The following FAM200A variants were observed in gnomAD, a reference collection of about 807,000 sequenced individuals.
The protein encoded by FAM200A is protein FAM200A.
Under a neutral mutation model 44.2 loss-of-function variants are expected in FAM200A, and 26 were observed. The ratio of observed to expected loss-of-function variants is 0.59; its 90% CI spans 0.43 to 0.82. The LOEUF (loss-of-function observed/expected upper bound fraction) is 0.82. Among genes scored for constraint, FAM200A ranks in the 40% least tolerant of loss-of-function variants. The pLI is 0.00. For missense variants in FAM200A, 606 were observed against 669.5 expected (o/e 0.91, Z 1.05); for synonymous variants, 206 against 244.4 (o/e 0.84, Z 1.47).
chr7:99,552,107 A>G lies in FAM200A; in HGVS notation c.-353T>C. 1.0e-6 allele frequency: 1 copy of G among 985,478 alleles called. No individual in the cohort carries two copies. Among genetic ancestry groups the G allele is most frequent in the Non-Finnish European group, 1.2e-6 (1 of 829,946 alleles). 61.0% of individuals were successfully genotyped at this position (985,478 alleles called of 1,614,324 possible). On this transcript the variant is annotated 5_prime_UTR_variant, in exon 1 of 2. Coordinates refer to ENST00000449309, the MANE Select transcript of FAM200A (RefSeq NM_145111.4). ...CCCCTGGCCTTCAGAGCCCAGGGAA[A>G]GCGTCACAAAAGCCGGAAGTGCGTC...
At position 99,551,899 on chromosome 7, in the gene FAM200A, C is replaced by T. The variant is rs1802541249; in HGVS notation, c.-145G>A. 2 of 985,434 alleles carry T rather than the reference C, an allele frequency of 2.0e-6. No homozygotes were observed. The highest frequency in any genetic ancestry group is 2.4e-6 in the Non-Finnish European group (2 of 830,038). 61.0% of individuals were successfully genotyped at this position (985,434 alleles called of 1,614,324 possible). A position where few individuals can be genotyped will look rare whatever the true frequency, so the allele number is the denominator to read the frequency against. ...GCTGGGGGACAGCGCTTGCCACCGC[C>T]GAGGCTGGCGCGAGGAACGGGGGCA... On this transcript the variant is annotated 5_prime_UTR_variant, in exon 1 of 2. Transcript: ENST00000449309.
chr7:99,555,488 A>T (rs967279161), upstream of FAM200A, among the ~76,000 whole-genome samples: 2 of 152,144 alleles, frequency 1.3e-5, no homozygotes, highest in Non-Finnish European at 2.9e-5. Flanking sequence ...GCACACTCTT[A>T]TTGGGGTTTG....
chr7:99,556,491 T>C (rs1008399737), upstream of FAM200A, among the ~76,000 whole-genome samples: 1 of 152,210 alleles, frequency 6.6e-6, no homozygotes, highest in Non-Finnish European at 1.5e-5. Flanking sequence ...ATTGTATGTA[T>C]CTAGATCTAT....
rs570047584 is a variant in FAM200A, at chr7:99,551,999, G to A, written c.-245C>T. ...GACACAGCCATGCACGTCCAACTCT[G>A]TCCCCGCCCGGAGAAGTCTGGGATG... is the stretch of plus-strand genomic sequence containing the variant. On this transcript the variant is annotated 5_prime_UTR_variant, in exon 1 of 2. Coordinates refer to ENST00000449309, the MANE Select transcript of FAM200A (RefSeq NM_145111.4). 1.0e-6 allele frequency: 1 copy of A among 985,588 alleles called. No individual in the cohort carries two copies. The highest frequency in any genetic ancestry group is 4.7e-5 in the South Asian group (1 of 21,290). The allele number at this position is 985,588 out of a possible 1,614,324, so 61.1% of individuals were successfully genotyped here. A position where few individuals can be genotyped will look rare whatever the true frequency, so the allele number is the denominator to read the frequency against.
In FAM200A at chr7:99,548,346, C is replaced by G; in HGVS notation, c.62G>C (p.Gly21Ala). Residue 21 changes from glycine (G) to alanine (A), a missense_variant, in exon 2 of 2, where the codon GGC becomes GCC. Coordinates refer to ENST00000449309, the MANE Select transcript of FAM200A (RefSeq NM_145111.4). ...CTCCTCCACCTTCACTATCACGATG[C>G]CTTCCATCTCCTGGGTACCCCCTGG... ...LSPGGTQEME[G>A]IVIVKVEEED... 1.2e-6 allele frequency: 2 copies of G among 1,614,144 alleles called. No individual in the cohort carries two copies. Among genetic ancestry groups the G allele is most frequent in the Non-Finnish European group, 1.7e-6 (2 of 1,180,028 alleles).
rs978355084 is a variant in FAM200A, at chr7:99,546,786, CTCT to C, written c.1619_1621del (p.Lys540del). On this transcript the variant is annotated inframe_deletion, in exon 2 of 2. Transcript: ENST00000449309. The stretch of plus-strand genomic sequence containing the variant: ...ATCTGGTGCACTATTGAGCCTATTT[CTCT>C]TCTTTGTTTTTAACCGTGTCAAGAT... 9.0e-6 allele frequency: 14 copies of C among 1,551,482 alleles called. No homozygotes were observed. Among genetic ancestry groups the C allele is most frequent in the African/African-American group, 1.4e-5 (1 of 73,046 alleles).
chr7:99,556,414 G>C (rs1300054353), upstream of FAM200A, among the ~76,000 whole-genome samples: 1 of 152,132 alleles, frequency 6.6e-6, no homozygotes, highest in Non-Finnish European at 1.5e-5. Flanking sequence ...GTTACAAACA[G>C]ATCCTCGGCC....
In FAM200A at chr7:99,546,347, C is replaced by A; in HGVS notation, c.*339G>T. ...ATTAACGTTTAACTACAACATACTG[C>A]AAAATCCCTTTAAAAGTACAAATAC... On this transcript the variant is annotated 3_prime_UTR_variant, in exon 2 of 2. Coordinates refer to ENST00000449309, the MANE Select transcript of FAM200A (RefSeq NM_145111.4). The A allele has an allele frequency of 5.1e-6, 1 of 197,982 alleles. No individual in the cohort carries two copies. The highest frequency in any genetic ancestry group is 1.0e-5 in the Non-Finnish European group (1 of 99,434). The allele number at this position is 197,982 out of a possible 1,614,324, so 12.3% of individuals were successfully genotyped here.
rs1470604446 is a variant in FAM200A at position 99,546,525 on chromosome 7, C to T, written c.*161G>A. ...CTGGGACTGCAGGCATGTGCCACCA[C>T]GCCTGGCTAAGGTTTCTATTTTTAG... On this transcript the variant is annotated 3_prime_UTR_variant, in exon 2 of 2. Transcript: ENST00000449309. 2.4e-5 allele frequency: 16 copies of T among 677,674 alleles called. No homozygotes were observed. The highest frequency in any genetic ancestry group is 4.3e-4 in the Middle Eastern group (1 of 2,322). The allele number at this position is 677,674 out of a possible 1,614,324, so 42.0% of individuals were successfully genotyped here. A position where few individuals can be genotyped will look rare whatever the true frequency, so the allele number is the denominator to read the frequency against.
At chr7:99,556,100 A>T (rs1802669791), upstream of FAM200A, among the ~76,000 whole-genome samples, 1 of 152,122 alleles carries the variant, frequency 6.6e-6, no homozygotes, top group African/African-American at 2.4e-5. Flanking sequence ...TGATGTCCCC[A>T]AACCACTGGG....
At chr7:99,553,896 A>G (rs918422767), upstream of FAM200A, among the ~76,000 whole-genome samples, 5 of 152,078 alleles carry the variant, frequency 3.3e-5, no homozygotes, top group African/African-American at 1.2e-4. Context: ...GTTCACTGTC[A>G]CACCTCCTTG....
At position 99,546,620 on chromosome 7, in the gene FAM200A, C is replaced by T; in HGVS notation, c.*66G>A. On this transcript the variant is annotated 3_prime_UTR_variant, in exon 2 of 2. Coordinates refer to ENST00000449309, the MANE Select transcript of FAM200A (RefSeq NM_145111.4). ...AAGTGATCTGCCCACCTCGGTCTCC[C>T]ACTGCTGGGATTACAGGCGTAAGCC... The T allele has an allele frequency of 2.8e-6, 4 of 1,429,400 alleles. No homozygotes were observed. Among genetic ancestry groups the T allele is most frequent in the Non-Finnish European group, 3.7e-6 (4 of 1,093,972 alleles). 88.5% of individuals were successfully genotyped at this position (1,429,400 alleles called of 1,614,324 possible). A position where few individuals can be genotyped will look rare whatever the true frequency, so the allele number is the denominator to read the frequency against.
At chr7:99,552,984 TACACACATATATATAC>T (rs1293887127), upstream of FAM200A, among the ~76,000 whole-genome samples, 17 of 141,712 alleles carry the variant, frequency 1.2e-4, no homozygotes, top group African/African-American at 1.7e-4. Context: ...TATATATATA[TACACACATATATATAC>T]ACACACATAT....
upstream of FAM200A, among the ~76,000 whole-genome samples, chr7:99,556,044 T>G (rs528334375): frequency 4.6e-5 from 7 of 152,322 alleles, no homozygotes; most frequent in East Asian, 3.9e-4. Context: ...CCAATTTTTT[T>G]GGGATTAGAG....
chr7:99,546,703 C>A lies in FAM200A; in HGVS notation c.1705G>T (p.Ala569Ser). Residue 569 changes from alanine (A) to serine (S), a missense_variant, in exon 2 of 2, where the codon GCA (alanine) becomes TCA (serine). Coordinates refer to ENST00000449309, the MANE Select transcript of FAM200A (RefSeq NM_145111.4). ...GTTTGTATTTAATGTGATGGGTGTG[C>A]TTGTCTGTTCATAAGTTCCTTCCAG... Reference protein sequence around the residue: ...PDWKELMNRQAHPSH With the variant: ...PDWKELMNRQSHPSH The A allele has an allele frequency of 1.3e-6, 2 of 1,528,634 alleles. No individual in the cohort carries two copies. Among genetic ancestry groups the A allele is most frequent in the Non-Finnish European group, 1.8e-6 (2 of 1,138,352 alleles). 94.7% of individuals were successfully genotyped at this position (1,528,634 alleles called of 1,614,324 possible).
rs1320014946 is a variant in FAM200A, at chr7:99,546,612, C to T, written c.*74G>A. 6.7e-5 allele frequency: 95 copies of T among 1,411,196 alleles called. No individual in the cohort carries two copies. In the East Asian group the frequency reaches 1.4e-3, roughly 21 times the overall value. 87.4% of individuals were successfully genotyped at this position (1,411,196 alleles called of 1,614,324 possible). A position where few individuals can be genotyped will look rare whatever the true frequency, so the allele number is the denominator to read the frequency against. ...TTGAACTCAAGTGATCTGCCCACCTCGGTCTCCCACTGCTGGGATTACAGG... is the reference window on the plus strand; with the variant it reads ...TTGAACTCAAGTGATCTGCCCACCTTGGTCTCCCACTGCTGGGATTACAGG... On this transcript the variant is annotated 3_prime_UTR_variant, in exon 2 of 2. Transcript: ENST00000449309.
At position 99,548,335 on chromosome 7, in the gene FAM200A, C is replaced by G. The variant is rs1423366471; in HGVS notation, c.73G>C (p.Val25Leu). 1.9e-6 allele frequency: 3 copies of G among 1,614,186 alleles called. No individual in the cohort carries two copies. The change falls in exon 2 of 2, where the codon GTG becomes CTG. Residue 25 changes from valine (V) to leucine (L), a missense_variant. Val to Leu is a conservative substitution (Grantham distance 32). Transcript: ENST00000449309. ...GTQEMEGIVI[V>L]KVEEEDEEDH... is the part of the protein sequence containing the mutation. ...TCTTCATCTTCCTCCTCCACCTTCA[C>G]TATCACGATGCCTTCCATCTCCTGG...
At position 99,551,268 on chromosome 7, in the gene FAM200A, T is replaced by C. The variant is rs1018478068; in HGVS notation, c.-100+586A>G. 9.2e-5 allele frequency among the ~76,000 whole-genome samples: 14 copies of C among 151,590 alleles called. No individual in the cohort carries two copies. In the East Asian group the frequency reaches 1.6e-3, roughly 17 times the overall value. On this transcript the variant is annotated intron_variant, in intron 1 of 1. Coordinates refer to ENST00000449309, the MANE Select transcript of FAM200A (RefSeq NM_145111.4). ...AGGCTGGAGTGCAGTGACGCGATCC[T>C]GGCTCACTGCAACCTCCGCCTCCCG...
Position 99,547,105 on chromosome 7 carries a change from T to C in FAM200A, c.1303A>G (p.Asn435Asp). 6.5e-7 allele frequency: 1 copy of C among 1,547,242 alleles called. No homozygotes were observed. The highest frequency in any genetic ancestry group is 8.7e-7 in the Non-Finnish European group (1 of 1,145,846). Residue 435 changes from asparagine to aspartate, a missense_variant, in exon 2 of 2, where the codon AAT (asparagine) becomes GAT (aspartate). Coordinates refer to ENST00000449309, the MANE Select transcript of FAM200A (RefSeq NM_145111.4). ...AATTTCTCTTCCGGAAAGTAATAAT[T>C]AAAAGTTTGAGACAAAGAAGTGAGA... The part of the protein sequence containing the change: ...LHLTSLSQTF[N>D]YYFPEEKFES...
Sources: allele counts gnomAD v4.1 joint callset (sites outside exome capture counted in the v4.1 genomes callset), GRCh38; gene constraint gnomAD v4.1.1; transcripts MANE v1.5; gene names NCBI Gene and HGNC (gene_info 2026-07-23, HGNC 2026-07-21).